Variants in ADAMTSL1 observed in about 807,000 individuals in gnomAD.
The protein encoded by ADAMTSL1 is ADAMTS like 1.
Under a neutral mutation model 201.8 loss-of-function variants are expected in ADAMTSL1, and 126 were observed. The observed-to-expected ratio is 0.62, with a 90% CI of 0.54 to 0.72. The LOEUF (loss-of-function observed/expected upper bound fraction) is 0.72, where lower values mean the gene tolerates loss of function less well. ADAMTSL1 is among the 30% of genes least tolerant of loss of function. ADAMTSL1 has a pLI of 0.00. For missense variants in ADAMTSL1, 2,679 were observed against 2,277.8 expected, an observed-to-expected ratio of 1.18 and a Z score of -3.59; for synonymous variants, 1,121 against 903.4, an observed-to-expected ratio of 1.24 and a Z score of -4.32.
intron 19 of ADAMTSL1, among the ~76,000 whole-genome samples, chr9:18,782,258 C>A (rs1292049185): frequency 6.6e-6 from 1 of 152,170 alleles, no homozygotes; most frequent in African/African-American, 2.4e-5. Flanking sequence ...CATATTTATT[C>A]ATTGCTTAAG....
At chr9:18,127,935 C>T (rs1471009984) in intron 1 of ADAMTSL1, among the ~76,000 whole-genome samples, 1 of 152,128 alleles carries the variant, frequency 6.6e-6, no homozygotes, top group African/African-American at 2.4e-5. Context: ...AAGATAGGAC[C>T]TTGACCTTTT....
chr9:18,081,949 T>A (rs1171032585), intron 1 of ADAMTSL1, among the ~76,000 whole-genome samples: 2 of 152,200 alleles, frequency 1.3e-5, no homozygotes, highest in Non-Finnish European at 2.9e-5. Context: ...AAGGTTAAGA[T>A]TGATGAAGAG....
At chr9:18,529,351 G>A (rs761117154) in intron 2 of ADAMTSL1, among the ~76,000 whole-genome samples, 2 of 152,030 alleles carry the variant, frequency 1.3e-5, no homozygotes, top group South Asian at 2.1e-4. Flanking sequence ...TCAGCTTTCC[G>A]AATTTTTAGC....
intron 21 of ADAMTSL1, among the ~76,000 whole-genome samples, chr9:18,820,148 G>C (rs1380082403): frequency 6.6e-6 from 1 of 152,148 alleles, no homozygotes; most frequent in East Asian, 1.9e-4. Context: ...GACTCCATAA[G>C]GGCCTGCTTA....
chr9:17,972,338 G>A (rs1359004013), intron 1 of ADAMTSL1, among the ~76,000 whole-genome samples: 1 of 99,116 alleles, frequency 1.0e-5, no homozygotes, highest in South Asian at 3.7e-4. Context: ...AACAGTCCCC[G>A]GTGTGTGATG....
At chr9:18,202,711 C>T (rs1321195696) in intron 2 of ADAMTSL1, among the ~76,000 whole-genome samples, 4 of 152,172 alleles carry the variant, frequency 2.6e-5, no homozygotes, top group Admixed American at 2.6e-4. Flanking sequence ...TATTTATCTG[C>T]ATATATGCTT....
At chr9:18,123,818 A>G (rs1318929518) in intron 1 of ADAMTSL1, among the ~76,000 whole-genome samples, 2 of 152,146 alleles carry the variant, frequency 1.3e-5, no homozygotes, top group African/African-American at 4.8e-5. Context: ...CTGGATTTGC[A>G]TATTCTGGAC....
chr9:18,383,631 G>A (rs1256848426), intron 2 of ADAMTSL1, among the ~76,000 whole-genome samples: 1 of 152,230 alleles, frequency 6.6e-6, no homozygotes, highest in African/African-American at 2.4e-5. Flanking sequence ...CATCCTGGTT[G>A]ACTGTCCCCT....
intron 23 of ADAMTSL1, among the ~76,000 whole-genome samples, chr9:18,836,299 G>A (rs10963792): frequency 0.26 from 39,912 of 151,874 alleles, 5,693 homozygotes; most frequent in East Asian, 0.52. Context: ...TGCTTGCTCA[G>A]TTTAAGTTCC....
chr9:18,214,069 C>T (rs1442710928), intron 2 of ADAMTSL1, among the ~76,000 whole-genome samples: 1 of 151,996 alleles, frequency 6.6e-6, no homozygotes, highest in Non-Finnish European at 1.5e-5. Context: ...TAAAATTTTA[C>T]GTATTTAGTG....
At chr9:17,953,864 G>T (rs1376471814) in intron 1 of ADAMTSL1, among the ~76,000 whole-genome samples, 4 of 152,128 alleles carry the variant, frequency 2.6e-5, no homozygotes, top group Non-Finnish European at 5.9e-5. Context: ...AGCTGAGGAG[G>T]TTTTCTCTGC....
chr9:18,713,266 C>A (rs1017797756), intron 14 of ADAMTSL1, among the ~76,000 whole-genome samples: 2,855 of 151,692 alleles, frequency 0.019, 87 homozygotes, highest in African/African-American at 0.064. Flanking sequence ...CTTTAAATGT[C>A]AATGGACTAA....
intron 23 of ADAMTSL1, among the ~76,000 whole-genome samples, chr9:18,844,010 C>T (rs528275213): frequency 3.3e-5 from 5 of 152,298 alleles, no homozygotes; most frequent in African/African-American, 4.8e-5. Context: ...GTAGTTTGAT[C>T]GTCTGAAGAC....
chr9:18,812,830 C>A lies in ADAMTSL1; in HGVS notation c.3806-4279C>A, dbSNP rs74810111. On this transcript the variant is annotated intron_variant, in intron 20 of 28. Transcript: ENST00000380548. Reference sequence around the variant, plus strand: ...GTTGAAAATGAGTTGGCTGTAAGTACGTGGATTCATTTCTGAGTTCTCTAT... The same window carrying A: ...GTTGAAAATGAGTTGGCTGTAAGTAAGTGGATTCATTTCTGAGTTCTCTAT... 6.7e-4 allele frequency among the ~76,000 whole-genome samples: 102 copies of A among 152,110 alleles called. No individual in the cohort carries two copies. The East Asian group carries it at 6.8e-3, about 10-fold the overall frequency.
chr9:18,132,869 T>C (rs916540057), intron 1 of ADAMTSL1, among the ~76,000 whole-genome samples: 4 of 152,162 alleles, frequency 2.6e-5, no homozygotes, highest in Non-Finnish European at 4.4e-5. Flanking sequence ...GATTATAACA[T>C]GTTTATTTTC....
rs539849920 is a variant in ADAMTSL1, at chr9:18,634,521, C to A, written c.602-1422C>A. On this transcript the variant is annotated intron_variant, in intron 5 of 28. Transcript: ENST00000380548. The stretch of plus-strand genomic sequence containing the variant: ...AAGGCTGCAGTGAGCTGTGATCACA[C>A]TGTGATAGCGAGACCCTATCTCAAA... Among the ~76,000 whole-genome samples, 9 of 151,822 alleles carry A rather than the reference C, an allele frequency of 5.9e-5. No homozygotes were observed. In the East Asian group the frequency reaches 1.8e-3, roughly 30 times the overall value.
chr9:18,249,151 T>G (rs977981264), intron 2 of ADAMTSL1, among the ~76,000 whole-genome samples: 1 of 152,156 alleles, frequency 6.6e-6, no homozygotes, highest in African/African-American at 2.4e-5. Flanking sequence ...AAGGAAGCCA[T>G]GTAAGCAGTT....
chr9:18,431,573 AC>A (rs1488676155), intron 2 of ADAMTSL1, among the ~76,000 whole-genome samples: 1 of 152,154 alleles, frequency 6.6e-6, no homozygotes, highest in African/African-American at 2.4e-5. Flanking sequence ...ATTAGTCCAA[AC>A]TGCCACTCAA....
At chr9:18,474,929 A>G (rs1407594851) in intron 1 of ADAMTSL1, among the ~76,000 whole-genome samples, 2 of 152,174 alleles carry the variant, frequency 1.3e-5, no homozygotes, top group African/African-American at 4.8e-5. Context: ...AGTACGGCTG[A>G]TTGCCACAGT....
Sources: allele counts gnomAD v4.1 joint callset (sites outside exome capture counted in the v4.1 genomes callset), GRCh38; gene constraint gnomAD v4.1.1; transcripts MANE v1.5; gene names NCBI Gene and HGNC (gene_info 2026-07-23, HGNC 2026-07-21).